TTLL12: variants seen among roughly 807,000 people sequenced by gnomAD.
TTLL12 encodes tubulin tyrosine ligase like 12.
TTLL12 carries 77 observed loss-of-function variants against 79.6 expected under a neutral mutation model. The observed-to-expected ratio is 0.97, with a 90% CI of 0.81 to 1.17. The LOEUF is 1.17. Among genes scored for constraint, TTLL12 ranks in the 50% most tolerant of loss-of-function variants. The pLI is 0.00. For synonymous variants in TTLL12, 437 were observed against 376.1 expected (o/e 1.16, Z -1.87); for missense variants, 969 against 895.9 (o/e 1.08, Z -1.04).
intron 2 of TTLL12, 88 bp downstream of exon 2, chr22:43,182,892 G>A (rs1042966792): frequency 5.0e-5 from 74 of 1,492,324 alleles, no homozygotes; most frequent in Admixed American, 6.3e-5. Flanking sequence ...GTCCAGCGGC[G>A]GTGCAGGGCC....
intron 3 of TTLL12, 102 bp downstream of exon 3, chr22:43,180,640 G>T: frequency 7.6e-7 from 1 of 1,322,446 alleles, no homozygotes; most frequent in Non-Finnish European, 1.1e-6. Context: ...AAAGTGAGTT[G>T]CTTGCTCTGG....
Position 43,167,713 on chromosome 22 carries a change from T to G in TTLL12, c.*295A>C. 1 of 279,136 alleles carries G rather than the reference T, an allele frequency of 3.6e-6. No individual in the cohort carries two copies. 17.3% of individuals were successfully genotyped at this position (279,136 alleles called of 1,614,324 possible). On this transcript the variant is annotated 3_prime_UTR_variant, in exon 14 of 14. Coordinates refer to ENST00000216129, the MANE Select transcript of TTLL12 (RefSeq NM_015140.4). Reference sequence around the variant, plus strand: ...TTCTCCATGCCAGGAACAAAGCCCTTGGCTAAACTGGAGACTCATCAGTGC... The same window carrying G: ...TTCTCCATGCCAGGAACAAAGCCCTGGGCTAAACTGGAGACTCATCAGTGC...
chr22:43,179,473 C>G, intron 5 of TTLL12, 146 bp downstream of exon 5: 1 of 1,181,410 alleles, frequency 8.5e-7, no homozygotes, highest in Non-Finnish European at 1.1e-6. Context: ...CCTCGTCTCT[C>G]AGAGGCTCCC....
intron 11 of TTLL12, among the ~76,000 whole-genome samples, chr22:43,170,915 CAAAAAAACAA>C (rs1931748892): frequency 6.6e-6 from 1 of 151,876 alleles, no homozygotes; most frequent in African/African-American, 2.4e-5. Context: ...CATTGTCTCT[CAAAAAAACAA>C]AACAAAACAA....
intron 9 of TTLL12, among the ~76,000 whole-genome samples, chr22:43,173,401 C>T (rs1198337367): frequency 6.6e-6 from 1 of 152,210 alleles, no homozygotes; most frequent in East Asian, 1.9e-4. Context: ...GCCTCAACCT[C>T]CCGGGCTCAA....
At chr22:43,185,734 G>A (rs1003578678) in intron 1 of TTLL12, among the ~76,000 whole-genome samples, 7 of 152,210 alleles carry the variant, frequency 4.6e-5, no homozygotes, top group African/African-American at 9.6e-5. Context: ...GCGAGTGACC[G>A]CCCGAGGGAG....
rs369275444 is a variant in TTLL12 at position 43,175,877 on chromosome 22, G to A, written c.917+443C>T. ...TTTTTTTTGTATTTTTAGTAGAGAC[G>A]GGCTTTCACCATGCTGGCCAGGCTG... On this transcript the variant is annotated intron_variant, in intron 6 of 13. Coordinates refer to ENST00000216129, the MANE Select transcript of TTLL12 (RefSeq NM_015140.4). Among the ~76,000 whole-genome samples, 282 of 144,258 alleles carry A rather than the reference G, an allele frequency of 2.0e-3. 2 individuals are homozygous for A. The highest frequency in any genetic ancestry group is 5.5e-3 in the African/African-American group (211 of 38,544). 94.6% of individuals were successfully genotyped at this position (144,258 alleles called of 152,430 possible).
Position 43,168,922 on chromosome 22 carries a change from G to C in TTLL12, c.1645-10C>G, listed in dbSNP as rs369112353. On this transcript the variant is annotated splice_polypyrimidine_tract_variant and intron_variant, in intron 12 of 13. Transcript: ENST00000216129. ...CCCGGAAGATCTCAGCCTGGGGACC[G>C]GGGAGCCTGAGTTACGAGGCCTGCT... 2 of 1,605,968 alleles carry C rather than the reference G, an allele frequency of 1.2e-6. No individual in the cohort carries two copies. The highest frequency in any genetic ancestry group is 3.4e-5 in the Admixed American group (2 of 59,638).
In TTLL12 at chr22:43,169,970, C is replaced by T. The variant is rs185718173; in HGVS notation, c.1576-402G>A. ...GCGAAGGAGGCAGAGCTCAAGACTC[C>T]GCCGCGGGACCTGCCTGTGCCCTGG... On this transcript the variant is annotated intron_variant, in intron 11 of 13. Coordinates refer to ENST00000216129, the MANE Select transcript of TTLL12 (RefSeq NM_015140.4). 133 of 429,234 alleles carry T rather than the reference C, an allele frequency of 3.1e-4. No individual in the cohort carries two copies. In the East Asian group the frequency reaches 7.5e-3, roughly 24 times the overall value. The allele number at this position is 429,234 out of a possible 1,614,324, so 26.6% of individuals were successfully genotyped here.
Position 43,173,729 on chromosome 22 carries a change from C to G in TTLL12, c.1327G>C (p.Glu443Gln). 6.2e-7 allele frequency: 1 copy of G among 1,602,480 alleles called. No homozygotes were observed. ...GCGGGGCCCACCTTGGGGGTGCTCTCTCGGTGCCGGATGATGCTGTGCAGG... is the reference window on the plus strand; with the variant it reads ...GCGGGGCCCACCTTGGGGGTGCTCTGTCGGTGCCGGATGATGCTGTGCAGG... ...KSLHSIIRHR[E>Q]STPKVVSKYI... Residue 443 changes from glutamate (E) to glutamine (Q), a missense_variant, in exon 9 of 14, where the codon GAG becomes CAG. Coordinates refer to ENST00000216129, the MANE Select transcript of TTLL12 (RefSeq NM_015140.4).
intron 6 of TTLL12, 41 bp from the exon 7 acceptor site, chr22:43,174,656 T>C (rs1259350123): frequency 2.1e-6 from 3 of 1,462,232 alleles, no homozygotes; most frequent in Non-Finnish European, 2.8e-6. Flanking sequence ...GGCTCCCAAG[T>C]GTCCAAGCGG....
Position 43,180,904 on chromosome 22 carries a change from C to T in TTLL12, c.384G>A (p.Val128=), listed in dbSNP as rs1238377795. The change falls in exon 3 of 14, where the codon GTG becomes GTA. Residue 128 remains valine (V), a synonymous_variant. Coordinates refer to ENST00000216129, the MANE Select transcript of TTLL12 (RefSeq NM_015140.4). ...FLIDHAWTCR[V]EHARQQLQQV... is the part of the protein sequence containing the mutation. ...GCTGCAGCTGCTGGCGCGCGTGCTC[C>T]ACACGGCACGTCCAGGCGTGGTCGA... is the stretch of plus-strand genomic sequence containing the variant. The T allele has an allele frequency of 1.2e-6, 2 of 1,612,404 alleles. No homozygotes were observed. The highest frequency in any genetic ancestry group is 2.7e-5 in the African/African-American group (2 of 74,904).
At chr22:43,179,812 C>G in intron 4 of TTLL12, 29 bp downstream of exon 4, 1 of 1,557,582 alleles carries the variant, frequency 6.4e-7, no homozygotes. Context: ...TGAGGCCCCT[C>G]CTCCAGGGCG....
intron 11 of TTLL12, 155 bp from the exon 12 acceptor site, chr22:43,169,723 C>A (rs1931716572): frequency 1.4e-6 from 1 of 726,640 alleles, no homozygotes. Flanking sequence ...AAACAGGAGG[C>A]AGGAGATGGA....
At chr22:43,170,770 G>C (rs1307691312) in intron 11 of TTLL12, among the ~76,000 whole-genome samples, 6 of 152,214 alleles carry the variant, frequency 3.9e-5, no homozygotes, top group Non-Finnish European at 5.9e-5. Flanking sequence ...AAAATTAGCC[G>C]GGCGTGGAGG....
chr22:43,174,338 A>G lies in TTLL12; in HGVS notation c.1100T>C (p.Val367Ala), dbSNP rs1931846575. Residue 367 changes from valine to alanine, a missense_variant, in exon 8 of 14, where the codon GTC (valine) becomes GCC (alanine). Coordinates refer to ENST00000216129, the MANE Select transcript of TTLL12 (RefSeq NM_015140.4). ...NQFPCENLLTVKDCLASIARR... is the reference protein window; with the variant it reads ...NQFPCENLLTAKDCLASIARR... Reference sequence around the variant, plus strand: ...CGCGATGGAGGCCAGGCAGTCCTTGACAGTCAGCAGGTTCTCGCAGGGGAA... The same window carrying G: ...CGCGATGGAGGCCAGGCAGTCCTTGGCAGTCAGCAGGTTCTCGCAGGGGAA... 5 of 1,603,798 alleles carry G rather than the reference A, an allele frequency of 3.1e-6. No homozygotes were observed. Among genetic ancestry groups the G allele is most frequent in the Admixed American group, 1.7e-5 (1 of 58,946 alleles).
chr22:43,183,492 G>A (rs1932109869), intron 1 of TTLL12, among the ~76,000 whole-genome samples: 1 of 152,196 alleles, frequency 6.6e-6, no homozygotes, highest in South Asian at 2.1e-4. Context: ...CAGAAAGAGA[G>A]GCCCCAAAGG....
At chr22:43,171,787 T>C in intron 11 of TTLL12, 32 bp downstream of exon 11, 1 of 1,604,452 alleles carries the variant, frequency 6.2e-7, no homozygotes, top group Non-Finnish European at 8.5e-7. Flanking sequence ...GGCCTCTGTG[T>C]GAACCTGCTC....
At chr22:43,173,671 A>T (rs753986273) in intron 9 of TTLL12, 44 bp downstream of exon 9, 1 of 1,568,874 alleles carries the variant, frequency 6.4e-7, no homozygotes, top group South Asian at 1.1e-5. Context: ...CTCACTGTCC[A>T]GCCAGGGCCC....
Sources: gnomAD v4.1 joint callset for allele counts (sites outside exome capture counted in the v4.1 genomes callset) on GRCh38, gnomAD v4.1.1 for gene constraint, MANE v1.5 for transcripts, NCBI Gene and HGNC (gene_info 2026-07-23, HGNC 2026-07-21) for gene names.